MND1: variants seen among roughly 807,000 people sequenced by gnomAD.
The protein encoded by MND1 is meiotic nuclear divisions 1.
A neutral mutation model predicts 35.1 loss-of-function variants in MND1; 28 were observed. The observed-to-expected ratio is 0.80, with a 90% confidence interval of 0.59 to 1.09. MND1 has a LOEUF of 1.09. Among genes scored for constraint, MND1 ranks in the 50% least tolerant of loss-of-function variants. The pLI is 0.00. For synonymous variants in MND1, 69 were observed against 70.5 expected (o/e 0.98, Z 0.11); for missense variants, 213 against 239.6 (o/e 0.89, Z 0.73).
chr4:153,361,679 T>G (rs866498361), intron 4 of MND1: 2 of 380,670 alleles, frequency 5.3e-6, no homozygotes, highest in Non-Finnish European at 1.0e-5. Context: ...CCACTAAAAA[T>G]ACAAAAAAAA....
chr4:153,409,169 A>G (rs1232641290), intron 7 of MND1, 154 bp downstream of exon 7: 2 of 273,282 alleles, frequency 7.3e-6, no homozygotes, highest in Non-Finnish European at 1.4e-5. Context: ...AAATCATTTC[A>G]GTTATTTAAG....
At chr4:153,350,403 A>G (rs1046902992) in intron 2 of MND1, among the ~76,000 whole-genome samples, 3 of 152,174 alleles carry the variant, frequency 2.0e-5, no homozygotes, top group African/African-American at 7.2e-5. Flanking sequence ...TTTCTGCCTG[A>G]AAAATAATAA....
chr4:153,372,792 A>G (rs1282683532), intron 4 of MND1, among the ~76,000 whole-genome samples: 2 of 152,106 alleles, frequency 1.3e-5, no homozygotes, highest in Admixed American at 1.3e-4. Context: ...TGCTTTATGT[A>G]TTCATTCATT....
At chr4:153,414,620 A>G (rs1454795972) in intron 7 of MND1, 131 bp from the exon 8 acceptor site, 2 of 476,228 alleles carry the variant, frequency 4.2e-6, no homozygotes, top group Admixed American at 7.9e-5. Flanking sequence ...ACTCTTAAAA[A>G]TACAGAAAAC....
At chr4:153,410,714 G>A (rs1338445295) in intron 7 of MND1, among the ~76,000 whole-genome samples, 1 of 152,188 alleles carries the variant, frequency 6.6e-6, no homozygotes, top group South Asian at 2.1e-4. Context: ...GTCCTGGCCG[G>A]GCGTGGTGGC....
chr4:153,350,925 C>T (rs185599482), intron 2 of MND1, among the ~76,000 whole-genome samples: 1 of 145,186 alleles, frequency 6.9e-6, no homozygotes, highest in East Asian at 2.0e-4. Flanking sequence ...GATAAAATCC[C>T]TTTTCACTTT....
At chr4:153,403,039 G>A (rs938455888) in intron 6 of MND1, among the ~76,000 whole-genome samples, 2 of 152,152 alleles carry the variant, frequency 1.3e-5, no homozygotes, top group Non-Finnish European at 2.9e-5. Flanking sequence ...AGGAGGCTGA[G>A]GTGGGAGGAT....
chr4:153,372,850 G>T (rs1414635738), intron 4 of MND1, among the ~76,000 whole-genome samples: 3 of 151,960 alleles, frequency 2.0e-5, no homozygotes, highest in Admixed American at 2.0e-4. Flanking sequence ...ACAGTTTATT[G>T]ATGAACATAT....
chr4:153,388,722 T>C (rs555355829), intron 4 of MND1, among the ~76,000 whole-genome samples: 5 of 152,310 alleles, frequency 3.3e-5, no homozygotes, highest in Admixed American at 6.5e-5. Flanking sequence ...CGGGCCTTGC[T>C]CAGCCCCAGG....
At position 153,353,404 on chromosome 4, in the gene MND1, CATATATATATATATATATATATAT is replaced by C. The variant is rs58280101; in HGVS notation, c.70-2229_70-2206del. Among the ~76,000 whole-genome samples the C allele has an allele frequency of 9.5e-4, 78 of 81,942 alleles. No homozygotes were observed. The East Asian group carries it at 0.02, about 21-fold the overall frequency. The allele number at this position is 81,942 out of a possible 152,430, so 53.8% of individuals were successfully genotyped here. A position where few individuals can be genotyped will look rare whatever the true frequency, so the allele number is the denominator to read the frequency against. ...ACATTTTATTCTACTGACTTTATCACATATATATATATATATATATATATATATATATATATATATATATTCATC... is the reference window on the plus strand; with the variant it reads ...ACATTTTATTCTACTGACTTTATCACATATATATATATATATATATTCATC... On this transcript the variant is annotated intron_variant, in intron 2 of 7. Coordinates refer to ENST00000240488, the MANE Select transcript of MND1 (RefSeq NM_032117.4).
intron 4 of MND1, among the ~76,000 whole-genome samples, chr4:153,358,993 C>CATCAGG (rs1773413761): frequency 6.6e-6 from 1 of 152,178 alleles, no homozygotes; most frequent in African/African-American, 2.4e-5. Flanking sequence ...CTGTTATTGA[C>CATCAGG]ATCCTATACT....
intron 3 of MND1, 149 bp downstream of exon 3, chr4:153,355,860 C>T (rs79977010): frequency 2.0e-4 from 120 of 594,448 alleles, no homozygotes; most frequent in African/African-American, 1.9e-3. Flanking sequence ...TCATCACCAT[C>T]CAAAGATAAC....
At chr4:153,400,015 C>T (rs914684385) in intron 6 of MND1, among the ~76,000 whole-genome samples, 1 of 150,490 alleles carries the variant, frequency 6.6e-6, no homozygotes, top group Middle Eastern at 3.4e-3. Flanking sequence ...CATTCCCCCA[C>T]CTCAGCTTCC....
intron 4 of MND1, chr4:153,361,377 G>A (rs1773486281): frequency 2.3e-6 from 1 of 438,878 alleles, no homozygotes; most frequent in Non-Finnish European, 4.5e-6. Flanking sequence ...CTATCATTCT[G>A]ATTGTCTTGT....
intron 4 of MND1, among the ~76,000 whole-genome samples, chr4:153,378,766 T>G (rs1728580180): frequency 6.6e-6 from 1 of 152,174 alleles, no homozygotes; most frequent in Admixed American, 6.5e-5. Context: ...ACAACTGGTG[T>G]TTTTTGACTC....
At chr4:153,354,268 A>G (rs1042853251) in intron 2 of MND1, among the ~76,000 whole-genome samples, 5 of 152,336 alleles carry the variant, frequency 3.3e-5, no homozygotes, top group African/African-American at 1.2e-4. Flanking sequence ...CATGAAATGT[A>G]TAATTTCCCT....
At chr4:153,347,743 A>C (rs997671964) in intron 1 of MND1, among the ~76,000 whole-genome samples, 1 of 152,184 alleles carries the variant, frequency 6.6e-6, no homozygotes. Flanking sequence ...ACTAGGCAAG[A>C]AGTGAGGATG....
chr4:153,381,672 AT>A (rs1452708802), intron 4 of MND1: 2 of 12,464 alleles, frequency 1.6e-4, no homozygotes, highest in African/African-American at 5.6e-4. Flanking sequence ...AATATAATAT[AT>A]ATATATATAT....
intron 4 of MND1, among the ~76,000 whole-genome samples, chr4:153,391,753 CATACATAT>C (rs959058362): frequency 3.2e-4 from 49 of 151,520 alleles, no homozygotes; most frequent in African/African-American, 1.2e-3. Flanking sequence ...CACACACATA[CATACATAT>C]ATATATCACA....
Sources: allele counts gnomAD v4.1 joint callset (sites outside exome capture counted in the v4.1 genomes callset), GRCh38; gene constraint gnomAD v4.1.1; transcripts MANE v1.5; gene names NCBI Gene and HGNC (gene_info 2026-07-23, HGNC 2026-07-21).